PHF20: variants seen among roughly 807,000 people sequenced by gnomAD.
PHF20 encodes the protein glioma-expressed antigen 2.
PHF20 carries 23 observed loss-of-function variants against 113.5 expected under a neutral mutation model. That is an observed-to-expected ratio of 0.20 (90% CI 0.15 to 0.29). The LOEUF is 0.29. PHF20 is among the 10% of genes least tolerant of loss of function. PHF20 has a pLI of 1.00. For synonymous variants in PHF20, 434 were observed against 457.3 expected, an observed-to-expected ratio of 0.95 and a Z score of 0.65; for missense variants, 943 against 1,219.6, an observed-to-expected ratio of 0.77 and a Z score of 3.38.
intron 9 of PHF20, among the ~76,000 whole-genome samples, chr20:35,881,551 A>AG (rs899270622): frequency 4.0e-5 from 6 of 151,658 alleles, no homozygotes; most frequent in African/African-American, 7.3e-5. Context: ...AAAAAAAAAA[A>AG]AAAAAGAAAA....
intron 15 of PHF20, 57 bp from the exon 16 acceptor site, chr20:35,938,640 A>G (rs1399171324): frequency 1.1e-5 from 16 of 1,497,160 alleles, no homozygotes; most frequent in Non-Finnish European, 9.0e-7. Context: ...GGAATTGAGA[A>G]CCCCTGCAAT....
chr20:35,946,294 C>T (rs1038032132), intron 17 of PHF20, among the ~76,000 whole-genome samples: 2 of 152,048 alleles, frequency 1.3e-5, no homozygotes, highest in Admixed American at 6.6e-5. Context: ...ATTCGCCGGG[C>T]GTGGTGGCAC....
At chr20:35,935,675 C>T (rs2055851396) in intron 15 of PHF20, among the ~76,000 whole-genome samples, 1 of 152,196 alleles carries the variant, frequency 6.6e-6, no homozygotes, top group Non-Finnish European at 1.5e-5. Flanking sequence ...CCCCTTGTCC[C>T]TTCTGAATCC....
intron 1 of PHF20, among the ~76,000 whole-genome samples, chr20:35,773,896 CAAAACTCTCAGATTTTTCCAG>C (rs1318512977): frequency 2.0e-5 from 3 of 152,158 alleles, no homozygotes; most frequent in Non-Finnish European, 4.4e-5. Context: ...CAAAAACAAA[CAAAACTCTCAGATTTTTCCAG>C]CACTGCTTCT....
chr20:35,930,365 C>T (rs1208711715), intron 14 of PHF20, among the ~76,000 whole-genome samples: 1 of 152,078 alleles, frequency 6.6e-6, no homozygotes, highest in African/African-American at 2.4e-5. Context: ...GTTAAGTAAA[C>T]AAGACTGTGT....
chr20:35,876,476 C>A (rs1400052998), intron 9 of PHF20, among the ~76,000 whole-genome samples: 2 of 151,744 alleles, frequency 1.3e-5, no homozygotes, highest in Non-Finnish European at 2.9e-5. Flanking sequence ...GAGGCTGAGG[C>A]AGGAGAGTTG....
chr20:35,851,508 G>A (rs536907544), intron 4 of PHF20, among the ~76,000 whole-genome samples: 108 of 152,252 alleles, frequency 7.1e-4, no homozygotes, highest in African/African-American at 2.5e-3. Flanking sequence ...GAAGATTTAG[G>A]CCCACACGTG....
At chr20:35,878,755 C>T in intron 9 of PHF20, 1 of 726,586 alleles carries the variant, frequency 1.4e-6, no homozygotes, top group Admixed American at 2.1e-5. Context: ...CTGTCTTGCT[C>T]TTGTAGGAGG....
chr20:35,825,143 G>A (rs1240067591), intron 2 of PHF20, among the ~76,000 whole-genome samples: 2 of 152,074 alleles, frequency 1.3e-5, no homozygotes, highest in East Asian at 3.8e-4. Context: ...ATTGCTTTTC[G>A]TAGTAGCTGC....
At chr20:35,790,899 C>A (rs2041531882) in intron 1 of PHF20, among the ~76,000 whole-genome samples, 1 of 152,042 alleles carries the variant, frequency 6.6e-6, no homozygotes, top group African/African-American at 2.4e-5. Flanking sequence ...TGCTCTGTTG[C>A]CCAGGCTGGA....
intron 16 of PHF20, 78 bp downstream of exon 16, chr20:35,939,186 T>C (rs1241511760): frequency 7.3e-7 from 1 of 1,375,574 alleles, no homozygotes; most frequent in Non-Finnish European, 9.8e-7. Context: ...GAATGCTCTA[T>C]GGAAGATATT....
intron 1 of PHF20, chr20:35,774,971 T>C (rs1194698835): frequency 1.3e-5 from 2 of 152,242 alleles, no homozygotes; most frequent in Non-Finnish European, 2.9e-5. Context: ...AGTTAGATGA[T>C]GTGGCCATTA....
intron 8 of PHF20, among the ~76,000 whole-genome samples, 196 bp from the exon 9 acceptor site, chr20:35,871,454 C>T (rs1234113728): frequency 6.6e-6 from 1 of 150,978 alleles, no homozygotes; most frequent in Non-Finnish European, 1.5e-5. Context: ...AGCTATTTTT[C>T]CTTTCACTTT....
intron 10 of PHF20, among the ~76,000 whole-genome samples, chr20:35,905,163 A>C (rs1484158100): frequency 6.6e-6 from 1 of 152,146 alleles, no homozygotes; most frequent in Non-Finnish European, 1.5e-5. Flanking sequence ...AGAGCTAGGT[A>C]TGCATGAGAC....
At chr20:35,901,424 A>AG (rs2055095181) in intron 10 of PHF20, among the ~76,000 whole-genome samples, 1 of 152,024 alleles carries the variant, frequency 6.6e-6, no homozygotes, top group African/African-American at 2.4e-5. Context: ...AAAAAAAAAA[A>AG]AAAAAAAAGT....
intron 6 of PHF20, among the ~76,000 whole-genome samples, chr20:35,864,033 C>G (rs540759272): frequency 6.6e-6 from 1 of 152,190 alleles, no homozygotes; most frequent in South Asian, 2.1e-4. Flanking sequence ...AAGAATGAAA[C>G]AAGCCCTGAT....
intron 9 of PHF20, among the ~76,000 whole-genome samples, chr20:35,881,059 T>A (rs1334426212): frequency 2.1e-5 from 3 of 143,204 alleles, no homozygotes; most frequent in Non-Finnish European, 4.6e-5. Context: ...TTTTTTTTTT[T>A]TTTTTTTTTT....
intron 10 of PHF20, among the ~76,000 whole-genome samples, chr20:35,901,720 G>A (rs2055101049): frequency 6.6e-6 from 1 of 152,052 alleles, no homozygotes; most frequent in Non-Finnish European, 1.5e-5. Context: ...CCATCATTTT[G>A]CCATCGGATC....
intron 4 of PHF20, among the ~76,000 whole-genome samples, chr20:35,856,706 G>A (rs899086980): frequency 2.0e-5 from 3 of 152,196 alleles, no homozygotes; most frequent in African/African-American, 7.2e-5. Context: ...TGAAAAGCCC[G>A]GAAGCTTTTA....
Sources: gnomAD v4.1 joint callset for allele counts (sites outside exome capture counted in the v4.1 genomes callset) on GRCh38, gnomAD v4.1.1 for gene constraint, MANE v1.5 for transcripts, NCBI Gene and HGNC (gene_info 2026-07-23, HGNC 2026-07-21) for gene names.